The following NSD3 variants were observed in gnomAD, a reference collection of about 807,000 sequenced individuals.
NSD3 encodes the protein nuclear receptor binding SET domain protein 3, also known as histone-lysine N-methyltransferase NSD3.
In NSD3, 24 loss-of-function variants were observed where a neutral mutation model predicts 160.8. The observed-to-expected ratio is 0.15, with a 90% CI of 0.11 to 0.21. The LOEUF is 0.21. Among genes scored for constraint, NSD3 ranks in the 10% least tolerant of loss-of-function variants. The pLI is 1.00. For synonymous variants in NSD3, 520 were observed against 600.0 expected (o/e 0.87, Z 1.95); for missense variants, 1,157 against 1,735.9 (o/e 0.67, Z 5.93).
intron 12 of NSD3, among the ~76,000 whole-genome samples, chr8:38,309,147 A>G (rs1410247302): frequency 7.3e-6 from 1 of 137,688 alleles, no homozygotes; most frequent in East Asian, 2.0e-4. Flanking sequence ...TCTCTCTACT[A>G]AAAAAAAAAA....
At chr8:38,294,969 C>T (rs1809097961) in intron 16 of NSD3, among the ~76,000 whole-genome samples, 1 of 150,834 alleles carries the variant, frequency 6.6e-6, no homozygotes, top group East Asian at 2.0e-4. Flanking sequence ...CAGTGAAACC[C>T]CATCTCTACT....
intron 1 of NSD3, among the ~76,000 whole-genome samples, chr8:38,354,499 T>C (rs1238225449): frequency 6.6e-6 from 1 of 152,242 alleles, no homozygotes; most frequent in African/African-American, 2.4e-5. Flanking sequence ...CTGATAATGC[T>C]ATTCTGTTTA....
At chr8:38,306,917 G>A (rs1415912366) in intron 12 of NSD3, among the ~76,000 whole-genome samples, 2 of 151,816 alleles carry the variant, frequency 1.3e-5, no homozygotes, top group South Asian at 2.1e-4. Context: ...GATCAAGACT[G>A]TCCTGGTTAA....
intron 1 of NSD3, among the ~76,000 whole-genome samples, chr8:38,357,165 T>TATTTAAGC (rs1350027234): frequency 2.0e-5 from 3 of 150,706 alleles, no homozygotes; most frequent in Non-Finnish European, 4.4e-5. Flanking sequence ...TTGATATCAT[T>TATTTAAGC]ATTTAAGCAT....
chr8:38,318,060 A>G lies in NSD3; in HGVS notation c.1855+835T>C. On this transcript the variant is annotated intron_variant, in intron 9 of 23. Coordinates refer to ENST00000317025, the MANE Select transcript of NSD3 (RefSeq NM_023034.2). The surrounding 1 kb of genome is among the most constrained non-coding windows in gnomAD (Gnocchi z 5.3). ...GACCCTGTGGAATGGTGGAAACACA[A>G]CGCAATCAGGCCTCCTAATCTCGCA... is the stretch of plus-strand genomic sequence containing the variant. The G allele has an allele frequency of 6.2e-7, 1 of 1,613,896 alleles. No individual in the cohort carries two copies. Among genetic ancestry groups the G allele is most frequent in the South Asian group, 1.1e-5 (1 of 91,046 alleles).
In NSD3 at chr8:38,278,345, T is replaced by C. The variant is rs772144847; in HGVS notation, c.3828A>G (p.Gly1276=). The change falls in exon 22 of 24, where the codon GGA becomes GGG. Residue 1276 remains glycine, a synonymous_variant. Coordinates refer to ENST00000317025, the MANE Select transcript of NSD3 (RefSeq NM_023034.2). Reference sequence around the variant, plus strand: ...CTAGAAAACCACTGCAGTTATCTGCTCCACAGTGGCACTCCGTTCTGCCGT... The same window carrying C: ...CTAGAAAACCACTGCAGTTATCTGCCCCACAGTGGCACTCCGTTCTGCCGT... ...LGNGRTECHC[G]ADNCSGFLGV... The C allele has an allele frequency of 6.8e-6, 11 of 1,614,082 alleles. No homozygotes were observed. The highest frequency in any genetic ancestry group is 1.6e-4 in the Middle Eastern group (1 of 6,062).
In NSD3 at chr8:38,295,949, C is replaced by T. The variant is rs1156943543; in HGVS notation, c.2762G>A (p.Gly921Glu). 3.7e-6 allele frequency: 6 copies of T among 1,608,784 alleles called. No individual in the cohort carries two copies. Among genetic ancestry groups the T allele is most frequent in the Non-Finnish European group, 5.1e-6 (6 of 1,178,364 alleles). ...SASKKKCEKG[G>E]RLLCCESCPA... ...GCACGATTCACAGCAGAGCAATCTT[C>T]CACCTTGAAACAAATAAACAGTCTT... Residue 921 changes from glycine to glutamate, a missense_variant, in exon 16 of 24, where the codon GGA becomes GAA. Coordinates refer to ENST00000317025, the MANE Select transcript of NSD3 (RefSeq NM_023034.2).
Position 38,329,598 on chromosome 8 carries a change from C to A in NSD3, c.1361G>T (p.Arg454Leu). The A allele has an allele frequency of 6.2e-7, 1 of 1,614,178 alleles. No homozygotes were observed. Among genetic ancestry groups the A allele is most frequent in the Non-Finnish European group, 8.5e-7 (1 of 1,180,034 alleles). The change falls in exon 6 of 24, where the codon CGG becomes CTG. Residue 454 changes from arginine (R) to leucine (L), a missense_variant. Physicochemically the swap from Arg to Leu is moderately radical, Grantham distance 102. This residue lies in a region of NSD3 where 168 missense variants were observed against 208.1 expected (regional missense o/e 0.81). Coordinates refer to ENST00000317025, the MANE Select transcript of NSD3 (RefSeq NM_023034.2). The surrounding 1 kb of genome is among the most constrained non-coding windows in gnomAD (Gnocchi z 4.8). ...STEIRRHSQRRHTSAEEEEPP... is the reference protein window; with the variant it reads ...STEIRRHSQRLHTSAEEEEPP... ...CTCTTCCTCTTCCGCACTTGTGTGCCGCCTCTGGCTATGTCTCCGAATTTC... is the reference window on the plus strand; with the variant it reads ...CTCTTCCTCTTCCGCACTTGTGTGCAGCCTCTGGCTATGTCTCCGAATTTC...
intron 2 of NSD3, 41 bp downstream of exon 2, chr8:38,347,456 T>A (rs1430952173): frequency 3.3e-6 from 5 of 1,530,676 alleles, no homozygotes. Flanking sequence ...CCAGTAAATG[T>A]GAAATATAAC....
At chr8:38,332,844 T>G (rs1461251615) in intron 4 of NSD3, among the ~76,000 whole-genome samples, 2 of 152,118 alleles carry the variant, frequency 1.3e-5, no homozygotes, top group African/African-American at 4.8e-5. Context: ...AAAAATAGTC[T>G]GAAAAATACT....
rs561454711 is a variant in NSD3, at chr8:38,271,180, A to G, written c.*4461T>C. The G allele has an allele frequency of 6.6e-6, 1 of 152,318 alleles. No homozygotes were observed. Among genetic ancestry groups the G allele is most frequent in the East Asian group, 1.9e-4 (1 of 5,188 alleles). 9.4% of individuals were successfully genotyped at this position (152,318 alleles called of 1,614,324 possible). On this transcript the variant is annotated 3_prime_UTR_variant, in exon 24 of 24. Transcript: ENST00000317025. ...AGCTATCTACTGTGAACACTCTCCC[A>G]TTTGCAGAACTTCACCTTTAATCCA... is the stretch of plus-strand genomic sequence containing the variant.
At chr8:38,327,110 G>C (rs2150374281) in intron 6 of NSD3, among the ~76,000 whole-genome samples, 1 of 151,352 alleles carries the variant, frequency 6.6e-6, no homozygotes, top group African/African-American at 2.4e-5. Context: ...AGTGCATGGT[G>C]TGATCTTGGC....
intron 1 of NSD3, among the ~76,000 whole-genome samples, chr8:38,366,510 G>A (rs896768990): frequency 6.7e-6 from 1 of 150,132 alleles, no homozygotes; most frequent in Admixed American, 6.7e-5. Flanking sequence ...TGCCTCCTGG[G>A]TTCAAGCAAT....
At chr8:38,341,125 C>T (rs751951434) in intron 2 of NSD3, among the ~76,000 whole-genome samples, 9 of 151,812 alleles carry the variant, frequency 5.9e-5, no homozygotes, top group Admixed American at 2.0e-4. Flanking sequence ...AGCGAAACCC[C>T]GTCTCTTAAA....
At chr8:38,354,918 T>C (rs1285678219) in intron 1 of NSD3, among the ~76,000 whole-genome samples, 1 of 152,192 alleles carries the variant, frequency 6.6e-6, no homozygotes, top group Non-Finnish European at 1.5e-5. Flanking sequence ...CTTCTTCATA[T>C]TATGCCTCCA....
At chr8:38,358,224 T>A (rs1331010234) in intron 1 of NSD3, among the ~76,000 whole-genome samples, 1 of 152,116 alleles carries the variant, frequency 6.6e-6, no homozygotes, top group East Asian at 1.9e-4. Flanking sequence ...GTAAACATAA[T>A]CAATCATACT....
chr8:38,348,684 C>A (rs1210927881), intron 1 of NSD3, among the ~76,000 whole-genome samples: 1 of 151,510 alleles, frequency 6.6e-6, no homozygotes, highest in Non-Finnish European at 1.5e-5. Context: ...TTTTTTGAGA[C>A]AGAATCTCAC....
At chr8:38,302,713 C>T (rs757020888) in intron 14 of NSD3, among the ~76,000 whole-genome samples, 1 of 152,204 alleles carries the variant, frequency 6.6e-6, no homozygotes, top group Non-Finnish European at 1.5e-5. Flanking sequence ...CAACTCACTG[C>T]AGTCTTGAAC....
intron 1 of NSD3, among the ~76,000 whole-genome samples, chr8:38,374,497 C>T (rs2150396931): frequency 6.6e-6 from 1 of 152,134 alleles, no homozygotes; most frequent in Admixed American, 6.5e-5. Context: ...TGGCACCTGC[C>T]TGTAGTCCCA....
Sources: gnomAD v4.1 joint callset for allele counts (sites outside exome capture counted in the v4.1 genomes callset) on GRCh38, gnomAD v4.1.1 for gene constraint, gnomAD v4.1.1 regional missense constraint, Gnocchi (gnomAD v3.1) non-coding constraint, MANE v1.5 for transcripts, NCBI Gene and HGNC (gene_info 2026-07-23, HGNC 2026-07-21) for gene names.